TBCE: variants seen among roughly 807,000 people sequenced by gnomAD.
TBCE encodes tubulin-specific chaperone E.
In TBCE, 53 loss-of-function variants were observed where a neutral mutation model predicts 77.0. That is an observed-to-expected ratio of 0.69 (90% CI 0.55 to 0.87). The LOEUF (loss-of-function observed/expected upper bound fraction) is 0.87, where lower values mean the gene tolerates loss of function less well. TBCE is among the 40% of genes least tolerant of loss of function. TBCE has a pLI of 0.00. For synonymous variants in TBCE, 235 were observed against 241.3 expected (o/e 0.97, Z 0.24); for missense variants, 624 against 622.4 (o/e 1.00, Z -0.03).
chr1:235,370,889 A>C (rs183435212), intron 1 of TBCE, among the ~76,000 whole-genome samples: 509 of 146,798 alleles, frequency 3.5e-3, no homozygotes, highest in African/African-American at 0.011. Flanking sequence ...TTACAGGCGC[A>C]CGCCACCACG....
intron 2 of TBCE, among the ~76,000 whole-genome samples, chr1:235,387,681 G>A (rs975293822): frequency 6.6e-6 from 1 of 152,108 alleles, no homozygotes; most frequent in Admixed American, 6.6e-5. Context: ...GGAGTGACCC[G>A]ATTTTCCAGG....
intron 3 of TBCE, among the ~76,000 whole-genome samples, chr1:235,403,953 GTATT>G (rs1176853346): frequency 6.6e-6 from 1 of 152,128 alleles, no homozygotes; most frequent in Non-Finnish European, 1.5e-5. Flanking sequence ...ACAATGGTAA[GTATT>G]TATCTAAACA....
chr1:235,447,954 T>C (rs1380341639), intron 15 of TBCE, among the ~76,000 whole-genome samples: 1 of 151,924 alleles, frequency 6.6e-6, no homozygotes, highest in Non-Finnish European at 1.5e-5. Context: ...CTCATGCTTG[T>C]AATCCCAGCA....
intron 3 of TBCE, among the ~76,000 whole-genome samples, chr1:235,403,462 G>A (rs568404173): frequency 9.9e-4 from 151 of 152,106 alleles, no homozygotes; most frequent in African/African-American, 3.5e-3. Context: ...CACTGGCCTC[G>A]GCCTCCCAAA....
At chr1:235,434,403 G>A (rs1313946846) in intron 8 of TBCE, 123 bp downstream of exon 8, 5 of 870,714 alleles carry the variant, frequency 5.7e-6, no homozygotes, top group Non-Finnish European at 9.4e-6. Flanking sequence ...TAGGAAAAAT[G>A]CTTATTATTC....
In TBCE at chr1:235,380,158, TTATTGTG is replaced by T. The variant is rs1558346752; in HGVS notation, c.100+11_100+17del. On this transcript the variant is annotated intron_variant, in intron 2 of 16. Transcript: ENST00000642610. ...TGTCCCTCCCGTGGCAGGTAAGCAATTATTGTGTGTGTGTGTGTGTGTGTGTGTGTGT... is the reference window on the plus strand; with the variant it reads ...TGTCCCTCCCGTGGCAGGTAAGCAATTGTGTGTGTGTGTGTGTGTGTGTGT... 3.9e-6 allele frequency: 6 copies of T among 1,555,262 alleles called. No individual in the cohort carries two copies. The highest frequency in any genetic ancestry group is 1.7e-5 in the Admixed American group (1 of 57,714).
intron 7 of TBCE, among the ~76,000 whole-genome samples, chr1:235,432,271 A>G (rs538362057): frequency 6.6e-6 from 1 of 152,360 alleles, no homozygotes; most frequent in South Asian, 2.1e-4. Context: ...GGCGTGAGCC[A>G]CTGTGCCCAG....
At chr1:235,436,296 T>TA in intron 9 of TBCE, 90 bp from the exon 10 acceptor site, 1 of 1,248,512 alleles carries the variant, frequency 8.0e-7, no homozygotes, top group South Asian at 1.2e-5. Flanking sequence ...ACCCAGGGTG[T>TA]AGGAAAAAAA....
intron 2 of TBCE, among the ~76,000 whole-genome samples, chr1:235,394,210 A>G (rs542460057): frequency 1.3e-5 from 2 of 151,858 alleles, no homozygotes; most frequent in South Asian, 4.2e-4. Flanking sequence ...GAGTAGCTGG[A>G]AATACAGGCG....
intron 15 of TBCE, among the ~76,000 whole-genome samples, chr1:235,445,655 C>T (rs1473771052): frequency 7.2e-5 from 11 of 151,830 alleles, no homozygotes. Context: ...CAAAACAAAA[C>T]AAAACTGCAA....
intron 13 of TBCE, chr1:235,441,586 C>CT (rs1406509981): frequency 1.8e-6 from 1 of 558,458 alleles, no homozygotes; most frequent in African/African-American, 1.9e-5. Context: ...TAACAATGAG[C>CT]TAGATAAGCT....
intron 3 of TBCE, among the ~76,000 whole-genome samples, chr1:235,411,864 G>A (rs1283951060): frequency 1.3e-5 from 2 of 151,808 alleles, no homozygotes; most frequent in African/African-American, 2.4e-5. Context: ...TGACCCCTGT[G>A]CCCCTTCAGG....
intron 2 of TBCE, among the ~76,000 whole-genome samples, chr1:235,395,217 C>A (rs1330329218): frequency 6.6e-6 from 1 of 151,962 alleles, no homozygotes. Flanking sequence ...TGGATTAATT[C>A]TTTTAATTTT....
chr1:235,439,974 GTA>G (rs1481699970), intron 13 of TBCE, among the ~76,000 whole-genome samples: 2 of 149,238 alleles, frequency 1.3e-5, no homozygotes, highest in African/African-American at 2.5e-5. Context: ...GCTAATTTTT[GTA>G]TATTTATTTT....
intron 1 of TBCE, among the ~76,000 whole-genome samples, chr1:235,379,739 A>G (rs116048431): frequency 2.2e-3 from 340 of 151,938 alleles, no homozygotes; most frequent in African/African-American, 8.0e-3. Context: ...GCTGGAGCTC[A>G]GGAGTTGGAG....
chr1:235,405,839 T>G (rs747491082), intron 3 of TBCE, among the ~76,000 whole-genome samples: 3 of 152,200 alleles, frequency 2.0e-5, no homozygotes, highest in Non-Finnish European at 2.9e-5. Flanking sequence ...ACGAGTATTA[T>G]GTTGTACTAC....
chr1:235,438,993 CAA>C, intron 13 of TBCE, 71 bp downstream of exon 13: 2 of 1,602,792 alleles, frequency 1.2e-6, no homozygotes, highest in African/African-American at 2.7e-5. Context: ...TCTTGGGTAT[CAA>C]AAGAGGTTCT....
At chr1:235,433,960 C>T (rs868164450) in intron 7 of TBCE, 9 of 562,166 alleles carry the variant, frequency 1.6e-5, no homozygotes, top group Middle Eastern at 9.6e-4. Context: ...TGCATTGACA[C>T]GTACCTCCAA....
chr1:235,436,606 CAAGT>C lies in TBCE; in HGVS notation c.963+2_963+5del. The stretch of plus-strand genomic sequence containing the variant: ...GGTAGTAAACGACAATCAGATATCA[CAAGT>C]AAGAGCTGCTCGGAGTATGCCCAGC... On this transcript the variant is annotated splice_donor_variant and coding_sequence_variant, in exon 11 of 17. Coordinates refer to ENST00000642610, the MANE Select transcript of TBCE (RefSeq NM_003193.5). LOFTEE classifies it high-confidence loss of function. 2.5e-6 allele frequency: 4 copies of C among 1,613,408 alleles called. No homozygotes were observed. The highest frequency in any genetic ancestry group is 3.4e-6 in the Non-Finnish European group (4 of 1,179,332).
Sources: gnomAD v4.1 joint callset for allele counts (sites outside exome capture counted in the v4.1 genomes callset) on GRCh38, gnomAD v4.1.1 for gene constraint, MANE v1.5 for transcripts, NCBI Gene and HGNC (gene_info 2026-07-23, HGNC 2026-07-21) for gene names.